Variants in KCTD16 observed in about 807,000 individuals in gnomAD.
The protein encoded by KCTD16 is BTB/POZ domain-containing protein KCTD16.
Under a neutral mutation model 33.2 loss-of-function variants are expected in KCTD16, and 13 were observed. That is an observed-to-expected ratio of 0.39 (90% CI 0.25 to 0.62). The LOEUF (loss-of-function observed/expected upper bound fraction) is 0.62, where lower values mean the gene tolerates loss of function less well. KCTD16 is among the 20% of genes least tolerant of loss of function. The pLI is 0.50. For synonymous variants in KCTD16, 197 were observed against 195.3 expected (o/e 1.01, Z -0.07); for missense variants, 441 against 525.1 (o/e 0.84, Z 1.57).
chr5:144,213,693 C>T (rs750916371), intron 3 of KCTD16, among the ~76,000 whole-genome samples: 2 of 152,114 alleles, frequency 1.3e-5, no homozygotes, highest in Non-Finnish European at 2.9e-5. Context: ...GATTGAAATG[C>T]TATATGTTAT....
intron 3 of KCTD16, among the ~76,000 whole-genome samples, chr5:144,232,918 AC>A (rs1314496739): frequency 7.9e-5 from 12 of 152,322 alleles, no homozygotes; most frequent in African/African-American, 2.9e-4. Context: ...CAAGTGCTCA[AC>A]AGCACATGTG....
chr5:144,175,272 A>G (rs1752477531), intron 2 of KCTD16, among the ~76,000 whole-genome samples: 1 of 152,236 alleles, frequency 6.6e-6, no homozygotes, highest in Non-Finnish European at 1.5e-5. Context: ...TTTGTTAAAC[A>G]TTATTATGGT....
intron 3 of KCTD16, among the ~76,000 whole-genome samples, chr5:144,241,561 A>G (rs1754404606): frequency 6.6e-6 from 1 of 152,212 alleles, no homozygotes; most frequent in Admixed American, 6.5e-5. Context: ...GTGAATAAAT[A>G]TGAAAGGATT....
intron 3 of KCTD16, among the ~76,000 whole-genome samples, chr5:144,257,488 A>T (rs1409692753): frequency 3.3e-5 from 5 of 151,718 alleles, no homozygotes; most frequent in Non-Finnish European, 7.4e-5. Context: ...ATATTTAGTC[A>T]TAGTTTCTTT....
Position 144,299,096 on chromosome 5 carries a change from GTATATATATATATATATATATATATATA to G in KCTD16, c.832+91576_832+91603del, listed in dbSNP as rs1175664862. On this transcript the variant is annotated intron_variant, in intron 3 of 3. Transcript: ENST00000512467. Reference sequence around the variant, plus strand: ...TATTTTTGTATATATATATCACTATGTATATATATATATATATATATATATATATATATATATATATATATATATATAT... The same window carrying G: ...TATTTTTGTATATATATATCACTATGTATATATATATATATATATATATAT... Among the ~76,000 whole-genome samples, 25 of 10,780 alleles carry G rather than the reference GTATATATATATATATATATATATATATA, an allele frequency of 2.3e-3. 1 individual carries two copies. The highest frequency in any genetic ancestry group is 0.013 in the South Asian group (3 of 230). 7.1% of individuals were successfully genotyped at this position (10,780 alleles called of 152,430 possible).
chr5:144,459,801 C>A (rs548933626), intron 3 of KCTD16, among the ~76,000 whole-genome samples: 1 of 150,544 alleles, frequency 6.6e-6, no homozygotes, highest in East Asian at 2.0e-4. Context: ...TGATTTGGCT[C>A]CTGTCTCCCT....
rs1289070958 is a variant in KCTD16, at chr5:144,477,603, T to G, written c.*3489T>G. On this transcript the variant is annotated 3_prime_UTR_variant, in exon 4 of 4. Transcript: ENST00000512467. ...TGGATTACTTTTGCTTTCCTGGGCT[T>G]TAGATTCTTCTCTGAGGATCCTTTG... is the stretch of plus-strand genomic sequence containing the variant. The G allele has an allele frequency of 6.6e-6, 1 of 152,114 alleles. No individual in the cohort carries two copies. The highest frequency in any genetic ancestry group is 1.5e-5 in the Non-Finnish European group (1 of 68,000). 9.4% of individuals were successfully genotyped at this position (152,114 alleles called of 1,614,324 possible). A position where few individuals can be genotyped will look rare whatever the true frequency, so the allele number is the denominator to read the frequency against.
intron 3 of KCTD16, among the ~76,000 whole-genome samples, chr5:144,403,796 A>G (rs1561595298): frequency 6.6e-6 from 1 of 152,144 alleles, no homozygotes; most frequent in East Asian, 1.9e-4. Context: ...CTCCCTCCCC[A>G]ACTCTTCCCA....
chr5:144,473,534 T>C, intron 3 of KCTD16, 126 bp from the exon 4 acceptor site: 2 of 1,027,080 alleles, frequency 1.9e-6, no homozygotes, highest in Non-Finnish European at 2.8e-6. Flanking sequence ...GCCACCCCAC[T>C]TTTTCTAAAA....
chr5:144,174,758 C>G (rs1227386793), intron 2 of KCTD16, among the ~76,000 whole-genome samples: 1 of 152,212 alleles, frequency 6.6e-6, no homozygotes, highest in Non-Finnish European at 1.5e-5. Flanking sequence ...AATTTTATAA[C>G]TATTCCTGGA....
chr5:144,307,382 C>G (rs1194648265), intron 3 of KCTD16, among the ~76,000 whole-genome samples: 3 of 152,186 alleles, frequency 2.0e-5, no homozygotes, highest in Non-Finnish European at 2.9e-5. Flanking sequence ...CACTAAACTT[C>G]TTGAGGACTG....
At chr5:144,376,679 A>G (rs182572318) in intron 3 of KCTD16, among the ~76,000 whole-genome samples, 7 of 152,378 alleles carry the variant, frequency 4.6e-5, no homozygotes, top group Admixed American at 3.3e-4. Flanking sequence ...ATAGTAGGAT[A>G]TGAATCCTTC....
At chr5:144,424,789 A>G (rs1157633037) in intron 3 of KCTD16, among the ~76,000 whole-genome samples, 1 of 152,018 alleles carries the variant, frequency 6.6e-6, no homozygotes, top group African/African-American at 2.4e-5. Context: ...TCCCACAATA[A>G]AGTCATTAAT....
intron 3 of KCTD16, among the ~76,000 whole-genome samples, chr5:144,453,957 A>G (rs759373696): frequency 2.8e-4 from 42 of 152,304 alleles, no homozygotes; most frequent in Admixed American, 5.9e-4. Context: ...CTATCTGTGT[A>G]ACACCGAGCC....
chr5:144,179,393 T>C (rs1012494218), intron 2 of KCTD16, among the ~76,000 whole-genome samples: 1 of 152,234 alleles, frequency 6.6e-6, no homozygotes, highest in Non-Finnish European at 1.5e-5. Context: ...ATCCTCTAGA[T>C]ACTGTACACC....
At position 144,455,170 on chromosome 5, in the gene KCTD16, G is replaced by A. The variant is rs763728521; in HGVS notation, c.833-18490G>A. Among the ~76,000 whole-genome samples the A allele has an allele frequency of 3.6e-4, 55 of 152,018 alleles. 1 individual carries two copies. Among genetic ancestry groups the A allele is most frequent in the Middle Eastern group, 6.8e-3 (2 of 294 alleles). ...TTTTCTCCTTTCCCCCAACAGAGGC[G>A]CATTGAGGAGTGTGCACACCCCTAA... On this transcript the variant is annotated intron_variant, in intron 3 of 3. Transcript: ENST00000512467.
intron 3 of KCTD16, among the ~76,000 whole-genome samples, chr5:144,316,499 G>GT (rs1245331006): frequency 2.0e-4 from 27 of 135,660 alleles, no homozygotes; most frequent in African/African-American, 6.2e-4. Context: ...TCCCATTTTT[G>GT]TTTTTTGTCT....
chr5:144,373,483 T>C (rs1752015337), intron 3 of KCTD16, among the ~76,000 whole-genome samples: 1 of 152,160 alleles, frequency 6.6e-6, no homozygotes, highest in Non-Finnish European at 1.5e-5. Flanking sequence ...TAATCCAGTA[T>C]TGGAGAAAAT....
intron 3 of KCTD16, among the ~76,000 whole-genome samples, chr5:144,325,129 G>A (rs558366223): frequency 6.6e-5 from 10 of 152,258 alleles, no homozygotes; most frequent in Admixed American, 5.9e-4. Flanking sequence ...TGATGGCAAC[G>A]AAAGAGTTTT....
Sources: gnomAD v4.1 joint callset for allele counts (sites outside exome capture counted in the v4.1 genomes callset) on GRCh38, gnomAD v4.1.1 for gene constraint, MANE v1.5 for transcripts, NCBI Gene and HGNC (gene_info 2026-07-23, HGNC 2026-07-21) for gene names.